BACH1: variants seen among roughly 807,000 people sequenced by gnomAD.
The protein encoded by BACH1 is transcription regulator protein BACH1.
A neutral mutation model predicts 52.9 loss-of-function variants in BACH1; 35 were observed. The observed-to-expected ratio is 0.66, with a 90% confidence interval of 0.51 to 0.88. BACH1 has a LOEUF of 0.88. Among genes scored for constraint, BACH1 ranks in the 40% least tolerant of loss-of-function variants. BACH1 has a pLI of 0.00. For synonymous variants in BACH1, 321 were observed against 319.6 expected (o/e 1.00, Z -0.05); for missense variants, 808 against 872.6 (o/e 0.93, Z 0.93).
intron 4 of BACH1, among the ~76,000 whole-genome samples, chr21:29,340,540 A>G (rs572214331): frequency 3.3e-5 from 5 of 152,338 alleles, no homozygotes; most frequent in African/African-American, 1.2e-4. Flanking sequence ...TAGTGGTTCT[A>G]ATTTCTGGGA....
intron 1 of BACH1, among the ~76,000 whole-genome samples, chr21:29,319,335 C>T (rs2088822627): frequency 6.6e-6 from 1 of 152,078 alleles, no homozygotes; most frequent in African/African-American, 2.4e-5. Flanking sequence ...CCCAGAGAAG[C>T]AGGCATGGCA....
At chr21:29,346,254 C>A (rs768876640), downstream of BACH1, 1 of 147,106 alleles carries the variant, frequency 6.8e-6, no homozygotes, top group African/African-American at 2.6e-5. Context: ...AGAATCTTTC[C>A]TTAGTTGATG....
intron 1 of BACH1, among the ~76,000 whole-genome samples, chr21:29,313,841 G>T (rs1266701082): frequency 6.6e-6 from 1 of 152,206 alleles, no homozygotes; most frequent in Non-Finnish European, 1.5e-5. Context: ...CTTGGAGGAA[G>T]GGGCGTGTGA....
chr21:29,321,619 A>T, intron 2 of BACH1, 105 bp downstream of exon 2: 5 of 925,294 alleles, frequency 5.4e-6, no homozygotes, highest in Non-Finnish European at 7.8e-6. Flanking sequence ...GTGGCTATGG[A>T]GCATTTCCCA....
intron 1 of BACH1, among the ~76,000 whole-genome samples, chr21:29,317,743 ATAT>A (rs1215653927): frequency 2.0e-5 from 3 of 152,220 alleles, no homozygotes; most frequent in African/African-American, 7.2e-5. Context: ...GCTTTTGTTA[ATAT>A]TATCACCACT....
intron 1 of BACH1, among the ~76,000 whole-genome samples, chr21:29,318,623 A>C (rs2088814528): frequency 6.6e-6 from 1 of 152,218 alleles, no homozygotes; most frequent in Admixed American, 6.5e-5. Flanking sequence ...ATGTTGAGCC[A>C]ATAATTAATT....
intron 1 of BACH1, among the ~76,000 whole-genome samples, chr21:29,299,192 C>A (rs895078948): frequency 2.3e-4 from 35 of 151,784 alleles, no homozygotes; most frequent in South Asian, 4.1e-4. Flanking sequence ...GCGGCCGAAC[C>A]CCCTGCACTG....
rs2089144768 is a variant in BACH1, at chr21:29,344,155, T to TC, written c.*1323dup. The TC allele has an allele frequency of 6.6e-6, 1 of 152,192 alleles. No homozygotes were observed. The highest frequency in any genetic ancestry group is 2.1e-4 in the South Asian group (1 of 4,828). 9.4% of individuals were successfully genotyped at this position (152,192 alleles called of 1,614,324 possible). A position where few individuals can be genotyped will look rare whatever the true frequency, so the allele number is the denominator to read the frequency against. Reference sequence around the variant, plus strand: ...TTGAGAGTCAAATGAAAGCTATGGATCTTCTCAGCAATTAAAAAAAATGCA... The same window carrying TC: ...TTGAGAGTCAAATGAAAGCTATGGATCCTTCTCAGCAATTAAAAAAAATGCA... On this transcript the variant is annotated 3_prime_UTR_variant, in exon 5 of 5. Coordinates refer to ENST00000286800, the MANE Select transcript of BACH1 (RefSeq NM_001186.4).
intron 1 of BACH1, among the ~76,000 whole-genome samples, chr21:29,314,322 A>G (rs1212688182): frequency 6.6e-6 from 1 of 152,116 alleles, no homozygotes; most frequent in East Asian, 1.9e-4. Flanking sequence ...GTTGGTTTTC[A>G]TCATTTGGGA....
chr21:29,329,724 A>C lies in BACH1; in HGVS notation c.1776+31A>C, dbSNP rs1339924118. ...TGTAAAAGTTTCTTGTTACTATTTAAATTCCACCACTTTCTTTTTTGTCAA... is the reference window on the plus strand; with the variant it reads ...TGTAAAAGTTTCTTGTTACTATTTACATTCCACCACTTTCTTTTTTGTCAA... On this transcript the variant is annotated intron_variant, in intron 4 of 4. Transcript: ENST00000286800. The C allele has an allele frequency of 2.1e-6, 3 of 1,415,622 alleles. No individual in the cohort carries two copies. In the African/African-American group the frequency reaches 4.4e-5, roughly 21 times the overall value. The allele number at this position is 1,415,622 out of a possible 1,614,324, so 87.7% of individuals were successfully genotyped here. A position where few individuals can be genotyped will look rare whatever the true frequency, so the allele number is the denominator to read the frequency against.
chr21:29,361,004 T>A (rs763694286), intron 2 of BACH1: 16 of 152,250 alleles, frequency 1.1e-4, no homozygotes, highest in African/African-American at 3.9e-4. Flanking sequence ...CTTAGTCTAG[T>A]GTTTAATGTC....
At chr21:29,335,223 C>T (rs566904057) in intron 4 of BACH1, among the ~76,000 whole-genome samples, 1 of 152,282 alleles carries the variant, frequency 6.6e-6, no homozygotes, top group Non-Finnish European at 1.5e-5. Context: ...GCTTAACCTC[C>T]AGTACCCACA....
chr21:29,359,406 A>G (rs1569029076), intron 2 of BACH1: 1 of 149,108 alleles, frequency 6.7e-6, no homozygotes, highest in Non-Finnish European at 1.5e-5. Flanking sequence ...GTATGATTAT[A>G]ACCAGGTATA....
chr21:29,299,959 C>T (rs1473508234), intron 1 of BACH1, among the ~76,000 whole-genome samples: 1 of 152,134 alleles, frequency 6.6e-6, no homozygotes, highest in Non-Finnish European at 1.5e-5. Flanking sequence ...AGAGGGTCTG[C>T]ATTGAATGCA....
Position 29,342,908 on chromosome 21 carries a change from C to A in BACH1, c.*75C>A. On this transcript the variant is annotated 3_prime_UTR_variant, in exon 5 of 5. Coordinates refer to ENST00000286800, the MANE Select transcript of BACH1 (RefSeq NM_001186.4). Reference sequence around the variant, plus strand: ...CAGCGTCTTGAAAGCCTAATATGACCATCTGTTGCTCAACAATACTGTTTT... The same window carrying A: ...CAGCGTCTTGAAAGCCTAATATGACAATCTGTTGCTCAACAATACTGTTTT... 1 of 1,389,642 alleles carries A rather than the reference C, an allele frequency of 7.2e-7. No individual in the cohort carries two copies. 86.1% of individuals were successfully genotyped at this position (1,389,642 alleles called of 1,614,324 possible). A position where few individuals can be genotyped will look rare whatever the true frequency, so the allele number is the denominator to read the frequency against.
intron 1 of BACH1, among the ~76,000 whole-genome samples, chr21:29,315,516 T>C (rs1407601158): frequency 6.6e-6 from 1 of 152,036 alleles, no homozygotes; most frequent in Non-Finnish European, 1.5e-5. Flanking sequence ...AGAAGGCAGG[T>C]TTTGAGGAAT....
chr21:29,328,568 G>A (rs796350342), intron 3 of BACH1, among the ~76,000 whole-genome samples: 42 of 151,874 alleles, frequency 2.8e-4, no homozygotes, highest in African/African-American at 9.7e-4. Flanking sequence ...TACTTAACAT[G>A]GGATCTACCC....
At chr21:29,307,471 G>A (rs191699032) in intron 1 of BACH1, among the ~76,000 whole-genome samples, 12 of 152,192 alleles carry the variant, frequency 7.9e-5, no homozygotes, top group Non-Finnish European at 1.2e-4. Context: ...TTGAAATACA[G>A]TAGGATCCCC....
At chr21:29,354,302 T>C (rs1283798835) in intron 2 of BACH1, among the ~76,000 whole-genome samples, 2 of 115,052 alleles carry the variant, frequency 1.7e-5, no homozygotes, top group African/African-American at 2.9e-5. Flanking sequence ...TTCTCAGGTA[T>C]ATGATAAAGT....
Sources: gnomAD v4.1 joint callset for allele counts (sites outside exome capture counted in the v4.1 genomes callset) on GRCh38, gnomAD v4.1.1 for gene constraint, MANE v1.5 for transcripts, NCBI Gene and HGNC (gene_info 2026-07-23, HGNC 2026-07-21) for gene names.